ARHGEF4: variants seen among roughly 807,000 people sequenced by gnomAD.
The protein encoded by ARHGEF4 is Rho guanine nucleotide exchange factor 4.
ARHGEF4 carries 119 observed loss-of-function variants against 162.0 expected under a neutral mutation model. The ratio of observed to expected loss-of-function variants is 0.73; its 90% CI spans 0.63 to 0.86. The LOEUF is 0.86. Ranked by LOEUF, ARHGEF4 falls within the 40% of genes least tolerant of loss-of-function variation. The pLI is 0.00. For missense variants in ARHGEF4, 2,488 were observed against 2,456.0 expected, an observed-to-expected ratio of 1.01 and a Z score of -0.28; for synonymous variants, 1,014 against 979.9, an observed-to-expected ratio of 1.03 and a Z score of -0.65.
chr2:131,041,806 C>T lies in ARHGEF4; in HGVS notation c.4896-9C>T. 6.2e-7 allele frequency: 1 copy of T among 1,612,286 alleles called. No individual in the cohort carries two copies. Among genetic ancestry groups the T allele is most frequent in the Non-Finnish European group, 8.5e-7 (1 of 1,179,648 alleles). ...CCTGCAGCAGCCTTCCATCTCTGTTCTGCCCCAGGGACTTCAAGGATGTTG... is the reference window on the plus strand; with the variant it reads ...CCTGCAGCAGCCTTCCATCTCTGTTTTGCCCCAGGGACTTCAAGGATGTTG... On this transcript the variant is annotated splice_polypyrimidine_tract_variant and intron_variant, in intron 9 of 13. Coordinates refer to ENST00000409359, the MANE Select transcript of ARHGEF4 (RefSeq NM_001367493.1).
At chr2:130,876,294 G>A (rs16856231) in intron 1 of ARHGEF4, among the ~76,000 whole-genome samples, 111 of 152,302 alleles carry the variant, frequency 7.3e-4, no homozygotes, top group African/African-American at 2.6e-3. Context: ...GAATGCTGCC[G>A]AGTGGATGGA....
chr2:130,853,830 C>T (rs1342258831), intron 1 of ARHGEF4, among the ~76,000 whole-genome samples: 2 of 152,196 alleles, frequency 1.3e-5, no homozygotes, highest in Non-Finnish European at 2.9e-5. Context: ...CTGTGTGGCT[C>T]AGGAGGTGAG....
chr2:131,007,800 C>CTTTTTTT lies in ARHGEF4; in HGVS notation c.3986-20123_3986-20117dup, dbSNP rs70994731. Among the ~76,000 whole-genome samples, 241 of 55,956 alleles carry CTTTTTTT rather than the reference C, an allele frequency of 4.3e-3. 27 individuals are homozygous for CTTTTTTT. The highest frequency in any genetic ancestry group is 0.035 in the East Asian group (60 of 1,726). 36.7% of individuals were successfully genotyped at this position (55,956 alleles called of 152,430 possible). A position where few individuals can be genotyped will look rare whatever the true frequency, so the allele number is the denominator to read the frequency against. ...TAAAGCTAAATTATTCTTTTCTTTT[C>CTTTTTTT]TTTTTTTTTTTTTTTTTTTTTTTTT... On this transcript the variant is annotated intron_variant, in intron 4 of 13. Coordinates refer to ENST00000409359, the MANE Select transcript of ARHGEF4 (RefSeq NM_001367493.1).
At chr2:130,952,038 A>G (rs922630198) in intron 4 of ARHGEF4, among the ~76,000 whole-genome samples, 6 of 152,170 alleles carry the variant, frequency 3.9e-5, no homozygotes, top group Non-Finnish European at 8.8e-5. Context: ...ATTATTTTAT[A>G]CAGTTGCATG....
intron 1 of ARHGEF4, among the ~76,000 whole-genome samples, chr2:130,870,016 C>T (rs1306090566): frequency 2.0e-5 from 3 of 152,204 alleles, no homozygotes; most frequent in Non-Finnish European, 2.9e-5. Flanking sequence ...CCATTATTTG[C>T]CTTTCTGGGT....
At chr2:131,011,906 G>A in intron 4 of ARHGEF4, 1 of 702,818 alleles carries the variant, frequency 1.4e-6, no homozygotes, top group South Asian at 1.5e-5. Flanking sequence ...ACCTGCACTG[G>A]AGGTACGTGG....
At chr2:130,851,087 A>T (rs907837610) in intron 1 of ARHGEF4, among the ~76,000 whole-genome samples, 4 of 152,272 alleles carry the variant, frequency 2.6e-5, no homozygotes, top group African/African-American at 9.6e-5. Flanking sequence ...CAGGCAGGAC[A>T]TGAGTCCGCC....
intron 1 of ARHGEF4, among the ~76,000 whole-genome samples, chr2:130,895,114 C>G (rs1680081145): frequency 6.6e-6 from 1 of 152,182 alleles, no homozygotes; most frequent in Non-Finnish European, 1.5e-5. Context: ...CTGCCCAATG[C>G]CCATTGCTCC....
chr2:130,948,817 T>C (rs1193720724), intron 4 of ARHGEF4, among the ~76,000 whole-genome samples: 1 of 152,210 alleles, frequency 6.6e-6, no homozygotes, highest in African/African-American at 2.4e-5. Context: ...GATTCCTTTT[T>C]CTTCAAAAAA....
intron 3 of ARHGEF4, among the ~76,000 whole-genome samples, chr2:130,937,682 T>TC (rs1214372841): frequency 2.6e-5 from 4 of 151,512 alleles, no homozygotes; most frequent in Non-Finnish European, 4.4e-5. Flanking sequence ...TTTTTTTTTT[T>TC]TTTGAGACAG....
intron 1 of ARHGEF4, among the ~76,000 whole-genome samples, chr2:130,851,543 G>A (rs1681414991): frequency 6.6e-6 from 1 of 152,256 alleles, no homozygotes; most frequent in African/African-American, 2.4e-5. Context: ...CCGGGCCTGA[G>A]TGGGCGGCTG....
At chr2:130,997,797 T>C (rs1391981195) in intron 4 of ARHGEF4, among the ~76,000 whole-genome samples, 1 of 152,198 alleles carries the variant, frequency 6.6e-6, no homozygotes, top group Non-Finnish European at 1.5e-5. Flanking sequence ...ATAATGCAAA[T>C]TTCATGTTAG....
intron 1 of ARHGEF4, among the ~76,000 whole-genome samples, chr2:130,850,130 C>G (rs1044678233): frequency 6.6e-6 from 1 of 152,124 alleles, no homozygotes; most frequent in South Asian, 2.1e-4. Context: ...TGGGGGTTCT[C>G]AAAGCAGCCC....
intron 2 of ARHGEF4, among the ~76,000 whole-genome samples, chr2:130,918,599 G>A (rs1480167439): frequency 6.6e-6 from 1 of 152,214 alleles, no homozygotes; most frequent in Admixed American, 6.5e-5. Flanking sequence ...CTGGGCTCAC[G>A]GGCTGCGCAG....
At position 131,034,056 on chromosome 2, in the gene ARHGEF4, C is replaced by T. The variant is rs765893650; in HGVS notation, c.4126-4797C>T. Among the ~76,000 whole-genome samples the T allele has an allele frequency of 2.0e-5, 3 of 152,316 alleles. No individual in the cohort carries two copies. In the East Asian group the frequency reaches 5.8e-4, roughly 29 times the overall value. ...ACAGGATGGTGACATTCAGGGTACACTCACCTATCTTTGCAAGGGGTGGCC... is the reference window on the plus strand; with the variant it reads ...ACAGGATGGTGACATTCAGGGTACATTCACCTATCTTTGCAAGGGGTGGCC... On this transcript the variant is annotated intron_variant, in intron 5 of 13. Coordinates refer to ENST00000409359, the MANE Select transcript of ARHGEF4 (RefSeq NM_001367493.1).
At chr2:130,975,489 AG>A (rs1244768861) in intron 4 of ARHGEF4, among the ~76,000 whole-genome samples, 1 of 152,172 alleles carries the variant, frequency 6.6e-6, no homozygotes, top group Non-Finnish European at 1.5e-5. Flanking sequence ...AACTCGGGAC[AG>A]CCCTCACTCC....
At chr2:130,966,498 A>T (rs925311423) in intron 4 of ARHGEF4, among the ~76,000 whole-genome samples, 5 of 152,230 alleles carry the variant, frequency 3.3e-5, no homozygotes, top group Admixed American at 2.6e-4. Flanking sequence ...CATGCCAGGC[A>T]CAATATTCCC....
chr2:130,903,006 C>T (rs966180183), intron 1 of ARHGEF4, among the ~76,000 whole-genome samples: 1 of 152,086 alleles, frequency 6.6e-6, no homozygotes, highest in Admixed American at 6.6e-5. Context: ...TCTCTGATTC[C>T]GTCCTCTGCC....
Position 131,046,315 on chromosome 2 carries a change from C to G in ARHGEF4, c.*126C>G. 1.0e-6 allele frequency: 1 copy of G among 1,002,226 alleles called. No homozygotes were observed. Among genetic ancestry groups the G allele is most frequent in the Non-Finnish European group, 1.4e-6 (1 of 690,920 alleles). 62.1% of individuals were successfully genotyped at this position (1,002,226 alleles called of 1,614,324 possible). On this transcript the variant is annotated 3_prime_UTR_variant, in exon 14 of 14. Transcript: ENST00000409359. ...TGAGCAGGGATGGGCTGGGGAGTTG[C>G]TTGTGCCACCAAGACGTGCCAGGTC...
Sources: allele counts gnomAD v4.1 joint callset (sites outside exome capture counted in the v4.1 genomes callset), GRCh38; gene constraint gnomAD v4.1.1; transcripts MANE v1.5; gene names NCBI Gene and HGNC (gene_info 2026-07-23, HGNC 2026-07-21).